Variants in DOCK2 observed in about 807,000 individuals in gnomAD.
DOCK2 encodes dedicator of cytokinesis 2, also known as dedicator of cytokinesis protein 2.
Under a neutral mutation model 248.9 loss-of-function variants are expected in DOCK2, and 87 were observed. The ratio of observed to expected loss-of-function variants is 0.35; its 90% CI spans 0.29 to 0.42. DOCK2 has a LOEUF of 0.42. Ranked by LOEUF, DOCK2 falls within the 10% of genes least tolerant of loss-of-function variation. The pLI is 1.00. For synonymous variants in DOCK2, 805 were observed against 821.6 expected (o/e 0.98, Z 0.35); for missense variants, 1,747 against 2,300.2 (o/e 0.76, Z 4.92).
intron 27 of DOCK2, among the ~76,000 whole-genome samples, chr5:169,860,793 G>C (rs547263112): frequency 1.6e-4 from 25 of 152,326 alleles, no homozygotes; most frequent in Middle Eastern, 6.8e-3. Context: ...TGTGCCTTTC[G>C]TATGTGTTGA....
At chr5:170,048,131 C>T (rs2113850464) in intron 40 of DOCK2, among the ~76,000 whole-genome samples, 1 of 152,308 alleles carries the variant, frequency 6.6e-6, no homozygotes, top group Non-Finnish European at 1.5e-5. Context: ...GTGGCTGATG[C>T]CTGTAATCCC....
intron 27 of DOCK2, among the ~76,000 whole-genome samples, chr5:169,890,328 A>C (rs1315144202): frequency 6.6e-6 from 1 of 152,028 alleles, no homozygotes; most frequent in Non-Finnish European, 1.5e-5. Flanking sequence ...GGAGCCATTT[A>C]CTGTTGATCA....
chr5:169,775,507 A>G (rs1209949209), intron 25 of DOCK2, among the ~76,000 whole-genome samples: 5 of 152,164 alleles, frequency 3.3e-5, no homozygotes, highest in Non-Finnish European at 5.9e-5. Flanking sequence ...GAAAACAGAC[A>G]AAACCTACAG....
chr5:169,684,930 T>C (rs1452061280), intron 8 of DOCK2, among the ~76,000 whole-genome samples: 2 of 152,178 alleles, frequency 1.3e-5, no homozygotes, highest in African/African-American at 4.8e-5. Flanking sequence ...ATTATAGGGG[T>C]GAGCCACTGC....
chr5:169,666,436 G>A (rs1036510291), intron 2 of DOCK2, among the ~76,000 whole-genome samples: 2 of 152,158 alleles, frequency 1.3e-5, no homozygotes, highest in African/African-American at 4.8e-5. Context: ...CCTTGTTATT[G>A]TTGAATTCAA....
intron 27 of DOCK2, among the ~76,000 whole-genome samples, chr5:169,850,927 G>C (rs1233599453): frequency 6.6e-6 from 1 of 152,196 alleles, no homozygotes; most frequent in East Asian, 1.9e-4. Flanking sequence ...CCTTCTTGCA[G>C]TCTGCGAAAC....
chr5:169,652,446 T>C (rs1757859678), intron 1 of DOCK2, among the ~76,000 whole-genome samples: 1 of 152,252 alleles, frequency 6.6e-6, no homozygotes, highest in Admixed American at 6.5e-5. Context: ...TCTCTCAGGA[T>C]GGAGACTTCA....
intron 41 of DOCK2, among the ~76,000 whole-genome samples, chr5:170,050,742 C>T (rs566842033): frequency 9.9e-5 from 15 of 152,148 alleles, no homozygotes; most frequent in Non-Finnish European, 1.9e-4. Context: ...CCATCTCCCA[C>T]GGTGCCTGGT....
At chr5:170,077,893 C>G in intron 48 of DOCK2, 56 bp downstream of exon 48, 1 of 1,430,224 alleles carries the variant, frequency 7.0e-7, no homozygotes. Flanking sequence ...GGCTCTATCC[C>G]CCCTCCTTCT....
At chr5:170,055,232 C>T in intron 41 of DOCK2, 73 bp from the exon 42 acceptor site, 1 of 1,481,192 alleles carries the variant, frequency 6.8e-7, no homozygotes, top group Non-Finnish European at 9.4e-7. Flanking sequence ...TGGAAGGTCT[C>T]AGCAAGGACC....
intron 44 of DOCK2, among the ~76,000 whole-genome samples, chr5:170,062,759 C>T (rs1001037069): frequency 6.6e-6 from 1 of 152,148 alleles, no homozygotes; most frequent in African/African-American, 2.4e-5. Context: ...AACTTTCAGG[C>T]ATCCTATCCC....
At chr5:169,992,267 G>A (rs1212257983) in intron 29 of DOCK2, among the ~76,000 whole-genome samples, 2 of 152,196 alleles carry the variant, frequency 1.3e-5, no homozygotes, top group Non-Finnish European at 2.9e-5. Flanking sequence ...AGCCTGGCAG[G>A]CAGTTGAAAA....
intron 26 of DOCK2, among the ~76,000 whole-genome samples, chr5:169,808,688 T>C (rs1008171181): frequency 6.6e-6 from 1 of 152,178 alleles, no homozygotes; most frequent in Admixed American, 6.5e-5. Context: ...GAGTAACTGA[T>C]AAAATTTAAT....
At chr5:169,903,659 T>C (rs909303963) in intron 27 of DOCK2, among the ~76,000 whole-genome samples, 11 of 152,016 alleles carry the variant, frequency 7.2e-5, no homozygotes, top group African/African-American at 2.7e-4. Context: ...GTGGAACTGA[T>C]AGAAGTTCAG....
At chr5:170,026,639 T>C (rs1755926474) in intron 33 of DOCK2, among the ~76,000 whole-genome samples, 1 of 152,218 alleles carries the variant, frequency 6.6e-6, no homozygotes, top group Admixed American at 6.5e-5. Context: ...AAAAACCATT[T>C]TGCAACAAAA....
chr5:169,689,185 T>C (rs1347472316), intron 8 of DOCK2, 67 bp from the exon 9 acceptor site: 2 of 1,508,576 alleles, frequency 1.3e-6, no homozygotes, highest in African/African-American at 2.7e-5. Context: ...AGATGCTTGG[T>C]GAATGTTTTG....
At chr5:170,056,139 G>A (rs1219627853) in intron 42 of DOCK2, among the ~76,000 whole-genome samples, 1 of 152,218 alleles carries the variant, frequency 6.6e-6, no homozygotes, top group Non-Finnish European at 1.5e-5. Context: ...AAGTGCCACA[G>A]CAGAGCAGGT....
intron 41 of DOCK2, among the ~76,000 whole-genome samples, chr5:170,052,107 C>T (rs1310195577): frequency 6.6e-6 from 1 of 152,170 alleles, no homozygotes; most frequent in Non-Finnish European, 1.5e-5. Flanking sequence ...TAAGTTACAG[C>T]CTTTAAAATG....
intron 27 of DOCK2, among the ~76,000 whole-genome samples, chr5:169,869,240 T>C (rs907483019): frequency 1.3e-5 from 2 of 152,138 alleles, no homozygotes; most frequent in African/African-American, 4.8e-5. Context: ...AAGAACACAC[T>C]CTTTATGTTT....
Sources: allele counts gnomAD v4.1 joint callset (sites outside exome capture counted in the v4.1 genomes callset), GRCh38; gene constraint gnomAD v4.1.1; transcripts MANE v1.5; gene names NCBI Gene and HGNC (gene_info 2026-07-23, HGNC 2026-07-21).